The following CDH10 variants were observed in gnomAD, a reference collection of about 807,000 sequenced individuals.
CDH10 encodes the protein cadherin 10, also known as cadherin-10.
CDH10 carries 30 observed loss-of-function variants against 73.1 expected under a neutral mutation model. The ratio of observed to expected loss-of-function variants is 0.41; its 90% CI spans 0.31 to 0.56. The LOEUF (loss-of-function observed/expected upper bound fraction) is 0.56, where lower values mean the gene tolerates loss of function less well. Among genes scored for constraint, CDH10 ranks in the 20% least tolerant of loss-of-function variants. CDH10 has a pLI of 0.27. For synonymous variants in CDH10, 345 were observed against 348.2 expected, an observed-to-expected ratio of 0.99 and a Z score of 0.10; for missense variants, 815 against 973.7, an observed-to-expected ratio of 0.84 and a Z score of 2.17.
intron 6 of CDH10, among the ~76,000 whole-genome samples, chr5:24,510,370 T>G (rs1742858710): frequency 6.6e-6 from 1 of 152,242 alleles, no homozygotes; most frequent in African/African-American, 2.4e-5. Context: ...GATAGTAATT[T>G]GGTAAATAGG....
intron 2 of CDH10, among the ~76,000 whole-genome samples, chr5:24,561,079 T>C (rs12697651): frequency 0.83 from 125,421 of 151,510 alleles, 51,943 homozygotes; most frequent in East Asian, 0.9. Context: ...TTTAAAGTGC[T>C]TAGCAATAGC....
chr5:24,504,506 C>CTTTTTTTTTTTTTTTTTTT (rs70965605), intron 8 of CDH10, among the ~76,000 whole-genome samples: 1 of 65,206 alleles, frequency 1.5e-5, no homozygotes, highest in Non-Finnish European at 2.9e-5. Context: ...TCCTATTAAT[C>CTTTTTTTTTTTTTTTTTTT]TTTTTTTTTT....
intron 2 of CDH10, among the ~76,000 whole-genome samples, chr5:24,571,479 G>A (rs190828425): frequency 6.6e-6 from 1 of 152,236 alleles, no homozygotes; most frequent in Admixed American, 6.5e-5. Flanking sequence ...TGCCAGGAAA[G>A]CATTATTACC....
At chr5:24,600,384 A>G (rs777739620) in intron 1 of CDH10, among the ~76,000 whole-genome samples, 2 of 152,172 alleles carry the variant, frequency 1.3e-5, no homozygotes, top group Non-Finnish European at 2.9e-5. Flanking sequence ...TTCCTTCAGC[A>G]ATGTCTATGA....
intron 1 of CDH10, among the ~76,000 whole-genome samples, chr5:24,626,305 C>A (rs1274618913): frequency 1.3e-5 from 2 of 152,014 alleles, no homozygotes; most frequent in Non-Finnish European, 2.9e-5. Flanking sequence ...TTACATAATT[C>A]TCATAATTCA....
chr5:24,560,709 C>T (rs1744928987), intron 2 of CDH10, among the ~76,000 whole-genome samples: 1 of 152,028 alleles, frequency 6.6e-6, no homozygotes, highest in Non-Finnish European at 1.5e-5. Context: ...GGAGTTGAAA[C>T]TCCAGGGTTC....
chr5:24,627,076 T>C (rs543134236), intron 1 of CDH10, among the ~76,000 whole-genome samples: 1 of 151,944 alleles, frequency 6.6e-6, no homozygotes, highest in South Asian at 2.1e-4. Context: ...ATTAAAAATA[T>C]TCTATGCACA....
chr5:24,538,311 A>G (rs1006256910), intron 2 of CDH10, among the ~76,000 whole-genome samples: 1 of 152,158 alleles, frequency 6.6e-6, no homozygotes, highest in Non-Finnish European at 1.5e-5. Context: ...AAATTAATGA[A>G]CTATAAAATA....
chr5:24,574,635 G>T (rs1338271408), intron 2 of CDH10, among the ~76,000 whole-genome samples: 1 of 119,126 alleles, frequency 8.4e-6, no homozygotes, highest in Admixed American at 8.5e-5. Flanking sequence ...TAATGTGGAT[G>T]TAAAGAAAAG....
chr5:24,577,204 T>A (rs949747467), intron 2 of CDH10, among the ~76,000 whole-genome samples: 1 of 152,058 alleles, frequency 6.6e-6, no homozygotes, highest in East Asian at 1.9e-4. Context: ...GGAAGAAACA[T>A]GAAAATCTGA....
At chr5:24,639,047 G>C (rs749820443) in intron 1 of CDH10, among the ~76,000 whole-genome samples, 1 of 151,482 alleles carries the variant, frequency 6.6e-6, no homozygotes, top group Non-Finnish European at 1.5e-5. Flanking sequence ...ATACACTTTA[G>C]AGGTTGAAGA....
chr5:24,641,568 GATAA>G (rs2112222305), intron 1 of CDH10, among the ~76,000 whole-genome samples: 1 of 152,132 alleles, frequency 6.6e-6, no homozygotes, highest in African/African-American at 2.4e-5. Flanking sequence ...GTCAAGAAAA[GATAA>G]ATAGATTTGT....
intron 2 of CDH10, among the ~76,000 whole-genome samples, chr5:24,550,616 G>A (rs1320119751): frequency 2.4e-4 from 36 of 151,926 alleles, no homozygotes; most frequent in Non-Finnish European, 1.3e-4. Flanking sequence ...CCTGAGGCTG[G>A]TGTGCATCTT....
At chr5:24,528,588 T>C (rs186628694) in intron 5 of CDH10, among the ~76,000 whole-genome samples, 2 of 151,964 alleles carry the variant, frequency 1.3e-5, no homozygotes, top group Admixed American at 1.3e-4. Flanking sequence ...CCAGGCAGTA[T>C]AAGGATCCCA....
chr5:24,530,925 A>AT (rs146276929), intron 5 of CDH10, among the ~76,000 whole-genome samples: 1,537 of 152,184 alleles, frequency 0.01, 29 homozygotes, highest in African/African-American at 0.035. Flanking sequence ...CACAGTTATG[A>AT]TTTTGTTAAT....
chr5:24,628,817 C>T lies in CDH10; in HGVS notation c.-124+15777G>A, dbSNP rs1247937101. ...AGAAATACAAATTCTAGAACACTTG[C>T]CGCCCCCCCCACCCCGCTCCCCACC... On this transcript the variant is annotated intron_variant, in intron 1 of 11. Transcript: ENST00000264463. Among the ~76,000 whole-genome samples the T allele has an allele frequency of 2.0e-5, 3 of 148,990 alleles. No individual in the cohort carries two copies. In the Admixed American group the frequency reaches 2.1e-4, roughly 10 times the overall value.
chr5:24,561,743 T>G (rs1744966596), intron 2 of CDH10, among the ~76,000 whole-genome samples: 1 of 152,130 alleles, frequency 6.6e-6, no homozygotes, highest in African/African-American at 2.4e-5. Context: ...CAACCAACAG[T>G]AAGATCAGTT....
intron 1 of CDH10, among the ~76,000 whole-genome samples, chr5:24,621,560 G>A (rs1747317101): frequency 6.6e-6 from 1 of 152,132 alleles, no homozygotes; most frequent in Non-Finnish European, 1.5e-5. Context: ...TAAATGTTCA[G>A]AAAACACCAA....
At chr5:24,525,076 A>G (rs1332135098) in intron 5 of CDH10, among the ~76,000 whole-genome samples, 5 of 152,080 alleles carry the variant, frequency 3.3e-5, no homozygotes, top group African/African-American at 1.2e-4. Flanking sequence ...AAGATATAAT[A>G]GGTGATTTAA....
Sources: allele counts gnomAD v4.1 joint callset (sites outside exome capture counted in the v4.1 genomes callset), GRCh38; gene constraint gnomAD v4.1.1; transcripts MANE v1.5; gene names NCBI Gene and HGNC (gene_info 2026-07-23, HGNC 2026-07-21).